The following OSBPL9 variants were observed in gnomAD, a reference collection of about 807,000 sequenced individuals.
The protein encoded by OSBPL9 is oxysterol-binding protein-related protein 9.
Under a neutral mutation model 106.6 loss-of-function variants are expected in OSBPL9, and 40 were observed. The observed-to-expected ratio is 0.38, with a 90% CI of 0.29 to 0.49. The LOEUF (loss-of-function observed/expected upper bound fraction) is 0.49, where lower values mean the gene tolerates loss of function less well. Ranked by LOEUF, OSBPL9 falls within the 20% of genes least tolerant of loss-of-function variation. The pLI is 0.97. For synonymous variants in OSBPL9, 269 were observed against 295.4 expected (o/e 0.91, Z 0.92); for missense variants, 609 against 887.2 (o/e 0.69, Z 3.98).
chr1:51,601,399 A>T (rs1401970410), intron 2 of OSBPL9, among the ~76,000 whole-genome samples: 1 of 152,230 alleles, frequency 6.6e-6, no homozygotes, highest in Non-Finnish European at 1.5e-5. Context: ...GGCTAGCTGG[A>T]CATTTAAACT....
the OSBPL9 span, among the ~76,000 whole-genome samples, chr1:51,549,003 C>T: frequency 1.3e-5 from 2 of 152,182 alleles, no homozygotes; most frequent in Non-Finnish European, 2.9e-5. Context: ...TAGCCTCAGC[C>T]CCTGAAGCTT....
At chr1:51,582,398 G>A (rs779464053) in intron 1 of OSBPL9, among the ~76,000 whole-genome samples, 2 of 152,142 alleles carry the variant, frequency 1.3e-5, no homozygotes, top group African/African-American at 2.4e-5. Flanking sequence ...TGTGATCCTG[G>A]CTAACTGCAA....
the OSBPL9 span, among the ~76,000 whole-genome samples, chr1:51,522,451 A>G: frequency 1.3e-5 from 2 of 152,152 alleles, no homozygotes; most frequent in African/African-American, 4.8e-5. Flanking sequence ...GAAGAGAATA[A>G]TGGGCCAAAT....
intron 4 of OSBPL9, among the ~76,000 whole-genome samples, chr1:51,717,168 T>C (rs1239875259): frequency 6.6e-6 from 1 of 152,130 alleles, no homozygotes; most frequent in African/African-American, 2.4e-5. Flanking sequence ...GGTTTTGCCA[T>C]GTTGGCCAGG....
chr1:51,609,348 T>C (rs969669331), intron 2 of OSBPL9, among the ~76,000 whole-genome samples: 1 of 151,156 alleles, frequency 6.6e-6, no homozygotes, highest in Non-Finnish European at 1.5e-5. Flanking sequence ...TCTCCTTTTT[T>C]TTTTTTTTTT....
chr1:51,603,494 A>T (rs1557581803), intron 2 of OSBPL9, among the ~76,000 whole-genome samples: 1 of 152,228 alleles, frequency 6.6e-6, no homozygotes, highest in Non-Finnish European at 1.5e-5. Context: ...AAACCCAGTG[A>T]GGTTCATGAT....
chr1:51,639,029 A>G (rs1645615943), intron 1 of OSBPL9, among the ~76,000 whole-genome samples: 1 of 152,134 alleles, frequency 6.6e-6, no homozygotes, highest in South Asian at 2.1e-4. Flanking sequence ...TCTTCGTAGA[A>G]TTTTGTCAAG....
At chr1:51,587,284 GA>G (rs1314261020) in intron 1 of OSBPL9, among the ~76,000 whole-genome samples, 1 of 152,182 alleles carries the variant, frequency 6.6e-6, no homozygotes, top group Non-Finnish European at 1.5e-5. Context: ...AGAATTGTTT[GA>G]ACACAGAAGG....
At chr1:51,787,262 TAA>T in intron 22 of OSBPL9, 89 bp from the exon 23 acceptor site, 2 of 1,303,546 alleles carry the variant, frequency 1.5e-6, no homozygotes, top group Non-Finnish European at 2.2e-6. Flanking sequence ...CTACAGCACT[TAA>T]AGCCATTTGA....
At chr1:51,712,254 C>G (rs1571258995) in intron 3 of OSBPL9, among the ~76,000 whole-genome samples, 1 of 152,338 alleles carries the variant, frequency 6.6e-6, no homozygotes, top group African/African-American at 2.4e-5. Flanking sequence ...CCACCAAAAC[C>G]AGTCAGGCGT....
the OSBPL9 span, among the ~76,000 whole-genome samples, chr1:51,547,059 CTGGTA>C: frequency 6.6e-6 from 1 of 152,162 alleles, no homozygotes. Context: ...GGTGTATGGA[CTGGTA>C]CAGCCACTGT....
At chr1:51,765,800 TA>T in intron 11 of OSBPL9, 21 bp from the exon 12 acceptor site, 1 of 1,590,136 alleles carries the variant, frequency 6.3e-7, no homozygotes, top group African/African-American at 1.4e-5. Flanking sequence ...TATTTTTCTC[TA>T]AAACCCTTTT....
At chr1:51,749,849 G>A (rs1472935947) in intron 7 of OSBPL9, among the ~76,000 whole-genome samples, 2 of 148,818 alleles carry the variant, frequency 1.3e-5, no homozygotes, top group Non-Finnish European at 3.0e-5. Context: ...GCAATCCAGC[G>A]TGATCAGCAT....
At chr1:51,766,688 T>C (rs992324029) in intron 12 of OSBPL9, among the ~76,000 whole-genome samples, 7 of 152,106 alleles carry the variant, frequency 4.6e-5, no homozygotes. Context: ...AAAGAAAAGC[T>C]TTTTATTGCA....
chr1:51,743,491 A>G (rs1364150119), intron 4 of OSBPL9, among the ~76,000 whole-genome samples: 1 of 152,228 alleles, frequency 6.6e-6, no homozygotes, highest in Non-Finnish European at 1.5e-5. Flanking sequence ...TTGTTTAAAA[A>G]GGATGTTTTA....
intron 3 of OSBPL9, among the ~76,000 whole-genome samples, chr1:51,687,655 G>T (rs1654098997): frequency 6.6e-6 from 1 of 152,204 alleles, no homozygotes; most frequent in African/African-American, 2.4e-5. Flanking sequence ...TGGAAGTGTG[G>T]AAAAGGATGA....
At chr1:51,659,828 C>T (rs1647030835) in intron 2 of OSBPL9, among the ~76,000 whole-genome samples, 1 of 151,954 alleles carries the variant, frequency 6.6e-6, no homozygotes, top group African/African-American at 2.4e-5. Context: ...TGTCAAAGAA[C>T]TTGACAAGGT....
intron 4 of OSBPL9, among the ~76,000 whole-genome samples, chr1:51,727,154 A>G (rs1453325781): frequency 1.1e-4 from 6 of 52,340 alleles, no homozygotes; most frequent in Non-Finnish European, 4.1e-5. Context: ...TTTTTTTTTT[A>G]CTGGCTTAGA....
intron 3 of OSBPL9, among the ~76,000 whole-genome samples, chr1:51,696,917 T>C (rs1342352737): frequency 6.6e-6 from 1 of 152,022 alleles, no homozygotes; most frequent in Non-Finnish European, 1.5e-5. Context: ...CTTGGGAGGC[T>C]TAGGCAGGAG....
Sources: gnomAD v4.1 joint callset for allele counts (sites outside exome capture counted in the v4.1 genomes callset) on GRCh38, gnomAD v4.1.1 for gene constraint, MANE v1.5 for transcripts, NCBI Gene and HGNC (gene_info 2026-07-23, HGNC 2026-07-21) for gene names.